The following SAMD3 variants were observed in gnomAD, a reference collection of about 807,000 sequenced individuals.
SAMD3 encodes the protein sterile alpha motif domain-containing protein 3.
SAMD3 carries 63 observed loss-of-function variants against 58.5 expected under a neutral mutation model. The observed-to-expected ratio is 1.08, with a 90% CI of 0.88 to 1.33. The LOEUF is 1.33. SAMD3 is among the 40% of genes most tolerant of loss of function. The probability of loss-of-function intolerance (pLI) is 0.00; values close to 1 mark genes in which losing one functional copy is unlikely to be tolerated. For missense variants in SAMD3, 604 were observed against 608.4 expected (o/e 0.99, Z 0.08); for synonymous variants, 220 against 210.3 (o/e 1.05, Z -0.40).
At chr6:130,288,884 C>T (rs1775266650) in intron 2 of SAMD3, among the ~76,000 whole-genome samples, 1 of 152,168 alleles carries the variant, frequency 6.6e-6, no homozygotes, top group Non-Finnish European at 1.5e-5. Context: ...AGCTATTTCA[C>T]TCTATTTAAG....
chr6:130,312,099 A>G (rs566737119), intron 2 of SAMD3, among the ~76,000 whole-genome samples: 5 of 152,320 alleles, frequency 3.3e-5, no homozygotes, highest in African/African-American at 1.2e-4. Flanking sequence ...TAATGAACAA[A>G]TTCTTGCTTC....
At chr6:130,157,072 AAAATAAATAAATAAATAAATAAAT>A (rs140922244) in intron 8 of SAMD3, among the ~76,000 whole-genome samples, 4 of 143,478 alleles carry the variant, frequency 2.8e-5, no homozygotes, top group East Asian at 2.0e-4. Context: ...TCCGTCTCAA[AAAATAAATAAATAAATAAATAAAT>A]AAATAAATAA....
intron 2 of SAMD3, among the ~76,000 whole-genome samples, chr6:130,242,191 A>G (rs1773382491): frequency 6.6e-6 from 1 of 152,224 alleles, no homozygotes; most frequent in Admixed American, 6.5e-5. Flanking sequence ...TCAAGGGAGA[A>G]TAGGTTGGCA....
chr6:130,346,205 G>C (rs1777444995), intron 1 of SAMD3, among the ~76,000 whole-genome samples: 2 of 152,208 alleles, frequency 1.3e-5, no homozygotes, highest in Admixed American at 1.3e-4. Context: ...ATCTCACTGG[G>C]GAGTGTCAGA....
At chr6:130,212,415 A>G (rs1795655392) in intron 4 of SAMD3, among the ~76,000 whole-genome samples, 1 of 152,328 alleles carries the variant, frequency 6.6e-6, no homozygotes, top group African/African-American at 2.4e-5. Flanking sequence ...CCAGACAAAG[A>G]GTGGTCCCAG....
intron 7 of SAMD3, among the ~76,000 whole-genome samples, chr6:130,178,215 A>G (rs1161485161): frequency 6.6e-6 from 1 of 150,788 alleles, no homozygotes; most frequent in Non-Finnish European, 1.5e-5. Context: ...ACCTCAGGTA[A>G]TCTGCGCACC....
At chr6:130,290,288 T>C (rs113686544) in intron 2 of SAMD3, among the ~76,000 whole-genome samples, 19 of 152,218 alleles carry the variant, frequency 1.2e-4, no homozygotes, top group African/African-American at 4.3e-4. Context: ...GCTGGTGTTG[T>C]AGTATAGAGT....
chr6:130,287,929 G>A (rs1378579482), intron 2 of SAMD3, among the ~76,000 whole-genome samples: 3 of 146,260 alleles, frequency 2.1e-5, no homozygotes, highest in African/African-American at 7.6e-5. Context: ...TGGTGACAGA[G>A]CATGACTCCG....
intron 5 of SAMD3, among the ~76,000 whole-genome samples, chr6:130,205,191 T>G (rs73777850): frequency 6.4e-4 from 98 of 152,004 alleles, no homozygotes; most frequent in African/African-American, 2.3e-3. Context: ...TGGATTGTAT[T>G]AAAAGATCTA....
intron 2 of SAMD3, among the ~76,000 whole-genome samples, chr6:130,255,561 T>C (rs1174578339): frequency 6.6e-6 from 1 of 152,244 alleles, no homozygotes; most frequent in East Asian, 1.9e-4. Flanking sequence ...TTAAAGTATA[T>C]TTTATCTAAG....
intron 2 of SAMD3, among the ~76,000 whole-genome samples, chr6:130,265,761 G>C (rs1774322511): frequency 7.4e-6 from 1 of 135,782 alleles, no homozygotes; most frequent in African/African-American, 2.8e-5. Flanking sequence ...TAAAGTGTTA[G>C]CCAAAACAGA....
intron 8 of SAMD3, chr6:130,160,514 A>G (rs970978771): frequency 2.6e-5 from 4 of 152,234 alleles, no homozygotes; most frequent in African/African-American, 7.2e-5. Flanking sequence ...ATAGAATTTG[A>G]AAGAAGAAAG....
chr6:130,350,293 C>G (rs529888663), intron 1 of SAMD3, among the ~76,000 whole-genome samples: 1 of 152,266 alleles, frequency 6.6e-6, no homozygotes, highest in Non-Finnish European at 1.5e-5. Flanking sequence ...TCCCTGTTTG[C>G]AGATGACATG....
intron 1 of SAMD3, among the ~76,000 whole-genome samples, chr6:130,343,466 G>A (rs534301168): frequency 6.6e-6 from 1 of 152,208 alleles, no homozygotes; most frequent in South Asian, 2.1e-4. Flanking sequence ...TCAATTTTCT[G>A]TTATTTTCCT....
chr6:130,250,294 T>C (rs2114908284), intron 2 of SAMD3, among the ~76,000 whole-genome samples: 1 of 152,294 alleles, frequency 6.6e-6, no homozygotes, highest in South Asian at 2.1e-4. Flanking sequence ...TTCTACGTTA[T>C]CAAAACAGGG....
At chr6:130,233,600 G>T (rs997363489) in intron 2 of SAMD3, among the ~76,000 whole-genome samples, 1 of 152,162 alleles carries the variant, frequency 6.6e-6, no homozygotes, top group Non-Finnish European at 1.5e-5. Flanking sequence ...TCTTAGGAAG[G>T]AATCACTTTA....
chr6:130,204,596 C>CAAAAA (rs761986238), intron 5 of SAMD3, among the ~76,000 whole-genome samples: 1 of 138,606 alleles, frequency 7.2e-6, no homozygotes, highest in Non-Finnish European at 1.5e-5. Flanking sequence ...GACCCTATCT[C>CAAAAA]AAAAAAAGAA....
At chr6:130,221,860 A>G (rs1333485587) in intron 1 of SAMD3, 5 of 152,236 alleles carry the variant, frequency 3.3e-5, no homozygotes, top group Non-Finnish European at 7.3e-5. Context: ...AATAGAAAAA[A>G]ATAGGAATAG....
chr6:130,168,671 C>G (rs1007061597), intron 8 of SAMD3, among the ~76,000 whole-genome samples: 2 of 152,198 alleles, frequency 1.3e-5, no homozygotes, highest in African/African-American at 2.4e-5. Flanking sequence ...CCTGCATCAA[C>G]ATTTTCGATC....
Sources: allele counts gnomAD v4.1 joint callset (sites outside exome capture counted in the v4.1 genomes callset), GRCh38; gene constraint gnomAD v4.1.1; transcripts MANE v1.5; gene names NCBI Gene and HGNC (gene_info 2026-07-23, HGNC 2026-07-21).